Variants in MMADHC observed in about 807,000 individuals in gnomAD.
MMADHC encodes cobalamin trafficking protein CblD.
In MMADHC, 23 loss-of-function variants were observed where a neutral mutation model predicts 36.3. That is an observed-to-expected ratio of 0.63 (90% CI 0.46 to 0.90). The LOEUF is 0.90. MMADHC is among the 40% of genes least tolerant of loss of function. The pLI, the probability that MMADHC is intolerant of heterozygous loss-of-function variation, is 0.00. For missense variants in MMADHC, 330 were observed against 348.0 expected, an observed-to-expected ratio of 0.95 and a Z score of 0.41; for synonymous variants, 97 against 116.1, an observed-to-expected ratio of 0.84 and a Z score of 1.06.
chr2:149,586,689 T>A (rs995350427), intron 2 of MMADHC, among the ~76,000 whole-genome samples: 4 of 152,118 alleles, frequency 2.6e-5, no homozygotes, highest in African/African-American at 9.7e-5. Context: ...TATTCTTATT[T>A]TGTAGGATTT....
At position 149,583,782 on chromosome 2, in the gene MMADHC, C is replaced by G. The variant is rs564937201; in HGVS notation, c.10-1511G>C. Reference sequence around the variant, plus strand: ...CATCTTAACTGGTCTTTTTGCCTTTCTGACATAATTTCCTACAAATTTACC... The same window carrying G: ...CATCTTAACTGGTCTTTTTGCCTTTGTGACATAATTTCCTACAAATTTACC... On this transcript the variant is annotated intron_variant, in intron 2 of 7. Coordinates refer to ENST00000303319, the MANE Select transcript of MMADHC (RefSeq NM_015702.3). 2.6e-5 allele frequency among the ~76,000 whole-genome samples: 4 copies of G among 152,184 alleles called. No homozygotes were observed. In the South Asian group the frequency reaches 8.3e-4, roughly 32 times the overall value.
chr2:149,572,219 C>T (rs1682650630), intron 6 of MMADHC: 1 of 425,220 alleles, frequency 2.4e-6, no homozygotes, highest in African/African-American at 2.1e-5. Flanking sequence ...AAAACAAGGG[C>T]ACATAGCTAC....
At chr2:149,571,799 AAAG>A (rs1054585122) in intron 6 of MMADHC, among the ~76,000 whole-genome samples, 1 of 151,744 alleles carries the variant, frequency 6.6e-6, no homozygotes, top group East Asian at 1.9e-4. Flanking sequence ...AGAAAAAAAA[AAAG>A]AAATAGGTAA....
chr2:149,573,815 A>C (rs62190638), intron 6 of MMADHC, among the ~76,000 whole-genome samples: 9 of 152,146 alleles, frequency 5.9e-5, no homozygotes, highest in Non-Finnish European at 1.2e-4. Context: ...CAAGGAGAGC[A>C]AAACAATGAA....
intron 7 of MMADHC, 105 bp downstream of exon 7, chr2:149,570,980 G>T: frequency 1.0e-6 from 1 of 964,996 alleles, no homozygotes; most frequent in Non-Finnish European, 1.6e-6. Context: ...GTAAAATTGT[G>T]AGATTTTTAA....
chr2:149,577,590 G>A (rs936398507), intron 4 of MMADHC, among the ~76,000 whole-genome samples: 6 of 152,052 alleles, frequency 3.9e-5, no homozygotes, highest in Admixed American at 2.0e-4. Flanking sequence ...GCTGAGGCAC[G>A]AGAATTGCTT....
intron 4 of MMADHC, among the ~76,000 whole-genome samples, chr2:149,577,192 T>G (rs1340625647): frequency 6.6e-6 from 1 of 152,230 alleles, no homozygotes; most frequent in African/African-American, 2.4e-5. Flanking sequence ...AGGAAGAAAC[T>G]TACTTTGCTG....
chr2:149,571,092 C>T lies in MMADHC; in HGVS notation c.689G>A (p.Gly230Asp). Residue 230 changes from glycine (G) to aspartate (D), a missense_variant, in exon 7 of 8, where the codon GGT becomes GAT. Coordinates refer to ENST00000303319, the MANE Select transcript of MMADHC (RefSeq NM_015702.3). Reference protein sequence around the residue: ...YWADFIDPSSGLAFFGPYTNN... With the variant: ...YWADFIDPSSDLAFFGPYTNN... ...CAAATGATAATTACTCACTGCCAAA[C>T]CAGATGATGGGTCAATAAAGTCAGC... The T allele has an allele frequency of 3.1e-6, 5 of 1,609,134 alleles. No homozygotes were observed. Among genetic ancestry groups the T allele is most frequent in the Non-Finnish European group, 4.3e-6 (5 of 1,175,746 alleles).
intron 7 of MMADHC, 62 bp downstream of exon 7, chr2:149,571,023 C>T: frequency 1.5e-6 from 2 of 1,303,644 alleles, no homozygotes; most frequent in Non-Finnish European, 1.1e-6. Flanking sequence ...GTTATAAACA[C>T]ATTTTATAAT....
rs550055732 is a variant in MMADHC, at chr2:149,579,541, C to A, written c.262G>T (p.Ala88Ser). The A allele has an allele frequency of 6.2e-7, 1 of 1,613,838 alleles. No homozygotes were observed. The highest frequency in any genetic ancestry group is 1.1e-5 in the South Asian group (1 of 91,066). Residue 88 changes from alanine to serine, a missense_variant, in exon 4 of 8, where the codon GCT (alanine) becomes TCT (serine). Coordinates refer to ENST00000303319, the MANE Select transcript of MMADHC (RefSeq NM_015702.3). ...IGFDCHLNGT[A>S]SQKKSLVHKT... ...TGAACCAGGCTTTTCTTCTGTGAAG[C>A]AGTCCCATTGAGGTGACAATCAAAA... is the stretch of plus-strand genomic sequence containing the variant.
chr2:149,583,842 A>C (rs1483377009), intron 2 of MMADHC, among the ~76,000 whole-genome samples: 1 of 152,166 alleles, frequency 6.6e-6, no homozygotes, highest in East Asian at 1.9e-4. Context: ...AATTACATAA[A>C]AATATCTCCC....
Position 149,582,177 on chromosome 2 carries a change from C to T in MMADHC, c.104G>A (p.Gly35Glu), listed in dbSNP as rs1057389942. ...ATGAGACTCATCCGAACCTGATGAT[C>T]CTGCAGTCGAAAAGGCTTTGGGATT... ...VVNPKAFSTA[G>E]SSGSDESHVA... The change falls in exon 3 of 8, where the codon GGA becomes GAA. Residue 35 changes from glycine to glutamate, a missense_variant. Gly to Glu is a moderately conservative substitution (Grantham distance 98). Coordinates refer to ENST00000303319, the MANE Select transcript of MMADHC (RefSeq NM_015702.3). 1.9e-6 allele frequency: 3 copies of T among 1,613,968 alleles called. No homozygotes were observed. The highest frequency in any genetic ancestry group is 2.5e-6 in the Non-Finnish European group (3 of 1,179,906).
intron 1 of MMADHC, 68 bp from the exon 2 acceptor site, chr2:149,587,217 G>A: frequency 3.1e-6 from 3 of 973,252 alleles, no homozygotes; most frequent in Non-Finnish European, 3.3e-6. Flanking sequence ...CTGAGGTAAC[G>A]TCCACTCTTC....
At chr2:149,581,738 GA>G (rs1456104602) in intron 3 of MMADHC, among the ~76,000 whole-genome samples, 1 of 152,200 alleles carries the variant, frequency 6.6e-6, no homozygotes, top group Non-Finnish European at 1.5e-5. Flanking sequence ...AAACAGGTTA[GA>G]AGAAACAGAC....
chr2:149,576,328 C>T (rs905968767), intron 5 of MMADHC, 109 bp downstream of exon 5: 13 of 796,158 alleles, frequency 1.6e-5, no homozygotes, highest in African/African-American at 6.8e-5. Context: ...CAGCCAGATA[C>T]GGTAAAATAT....
intron 4 of MMADHC, 114 bp from the exon 5 acceptor site, chr2:149,576,656 T>A: frequency 1.3e-6 from 1 of 748,036 alleles, no homozygotes; most frequent in Non-Finnish European, 2.4e-6. Context: ...TACAAAAAAT[T>A]ATAATCTAAC....
intron 6 of MMADHC, chr2:149,572,347 AT>A (rs1682653959): frequency 9.4e-6 from 3 of 319,998 alleles, no homozygotes; most frequent in African/African-American, 6.8e-5. Context: ...AAAAAAAAAA[AT>A]CAAGGGCACA....
chr2:149,570,367 C>T (rs1682621435), intron 7 of MMADHC, among the ~76,000 whole-genome samples, 199 bp from the exon 8 acceptor site: 1 of 152,156 alleles, frequency 6.6e-6, no homozygotes, highest in Admixed American at 6.6e-5. Flanking sequence ...CTGAAATGAT[C>T]TAGCAAATTA....
At position 149,587,756 on chromosome 2, in the gene MMADHC, T is replaced by G. The variant is rs12477482; in HGVS notation, c.-145A>C. 5.9e-5 allele frequency: 9 copies of G among 152,866 alleles called. No individual in the cohort carries two copies. Among genetic ancestry groups the G allele is most frequent in the African/African-American group, 1.9e-4 (8 of 41,464 alleles). The allele number at this position is 152,866 out of a possible 1,614,324, so 9.5% of individuals were successfully genotyped here. Reference sequence around the variant, plus strand: ...ACGGCAGCGGTGGTAGCACCTACGCTGGCGGTGAGCAGGCAAAGGAAGTTG... The same window carrying G: ...ACGGCAGCGGTGGTAGCACCTACGCGGGCGGTGAGCAGGCAAAGGAAGTTG... On this transcript the variant is annotated 5_prime_UTR_variant, in exon 1 of 8. Transcript: ENST00000303319.
Sources: allele counts gnomAD v4.1 joint callset (sites outside exome capture counted in the v4.1 genomes callset), GRCh38; gene constraint gnomAD v4.1.1; transcripts MANE v1.5; gene names NCBI Gene and HGNC (gene_info 2026-07-23, HGNC 2026-07-21).